Variants in DPPA3 observed in about 807,000 individuals in gnomAD.
DPPA3 encodes developmental pluripotency associated 3, also known as developmental pluripotency-associated protein 3.
Under a neutral mutation model 15.6 loss-of-function variants are expected in DPPA3, and 9 were observed. The observed-to-expected ratio is 0.58, with a 90% CI of 0.35 to 1.01. DPPA3 has a LOEUF of 1.01. DPPA3 is among the 50% of genes least tolerant of loss of function. The probability of loss-of-function intolerance (pLI) is 0.02; values close to 1 mark genes in which losing one functional copy is unlikely to be tolerated. For synonymous variants in DPPA3, 61 were observed against 70.9 expected, an observed-to-expected ratio of 0.86 and a Z score of 0.70; for missense variants, 148 against 194.6, an observed-to-expected ratio of 0.76 and a Z score of 1.42.
chr12:7,715,050 G>A, intron 1 of DPPA3, 133 bp from the exon 2 acceptor site: 5 of 1,351,696 alleles, frequency 3.7e-6, no homozygotes, highest in Non-Finnish European at 5.1e-6. Flanking sequence ...GAGGTTGTGC[G>A]TTGTTTACTG....
rs868633668 is a variant in DPPA3 at position 7,715,270 on chromosome 12, C to G, written c.170C>G (p.Ser57Trp). The change falls in exon 2 of 4, where the codon TCG becomes TGG. Residue 57 changes from serine (S) to tryptophan (W), a missense_variant. By Grantham distance (177) the Ser-to-Trp change is radical. Coordinates refer to ENST00000345088, the MANE Select transcript of DPPA3 (RefSeq NM_199286.4). The part of the protein sequence containing the change: ...NASSESVSPL[S>W]EALLRRESVG... Reference sequence around the variant, plus strand: ...AGTAGCGAATCTGTTTCCCCTCTATCGGAAGCTTTACTCCGTCGAGAGTCT... The same window carrying G: ...AGTAGCGAATCTGTTTCCCCTCTATGGGAAGCTTTACTCCGTCGAGAGTCT... 2 of 1,613,850 alleles carry G rather than the reference C, an allele frequency of 1.2e-6. No homozygotes were observed. Among genetic ancestry groups the G allele is most frequent in the South Asian group, 1.1e-5 (1 of 91,058 alleles).
intron 3 of DPPA3, among the ~76,000 whole-genome samples, chr12:7,716,464 C>A (rs1411129960): frequency 6.6e-6 from 1 of 151,942 alleles, no homozygotes; most frequent in Non-Finnish European, 1.5e-5. Flanking sequence ...GCCTTTCCCC[C>A]ACACCCCACA....
chr12:7,713,587 C>T (rs779606659), intron 1 of DPPA3, among the ~76,000 whole-genome samples: 9 of 152,064 alleles, frequency 5.9e-5, no homozygotes, highest in Non-Finnish European at 8.8e-5. Flanking sequence ...CCTCACAGTT[C>T]GGATGGGAGA....
chr12:7,716,298 G>A (rs1864398748), intron 3 of DPPA3, 59 bp downstream of exon 3: 1 of 1,290,882 alleles, frequency 7.7e-7, no homozygotes, highest in South Asian at 1.4e-5. Context: ...ATATGTGGAT[G>A]GGTATCTGGT....
intron 1 of DPPA3, among the ~76,000 whole-genome samples, chr12:7,714,192 T>C (rs780880821): frequency 6.6e-6 from 1 of 152,122 alleles, no homozygotes; most frequent in Admixed American, 6.5e-5. Context: ...ATGGCGCCAC[T>C]GCACTCCAGC....
chr12:7,714,818 T>C (rs889530475), intron 1 of DPPA3, among the ~76,000 whole-genome samples: 2 of 152,102 alleles, frequency 1.3e-5, no homozygotes, highest in African/African-American at 4.8e-5. Context: ...GTTCACACCA[T>C]TCTCCTGCCT....
At chr12:7,713,657 G>T (rs1864369366) in intron 1 of DPPA3, among the ~76,000 whole-genome samples, 2 of 152,318 alleles carry the variant, frequency 1.3e-5, no homozygotes, top group East Asian at 1.9e-4. Flanking sequence ...CTAATACCAT[G>T]AAGGAGCTGG....
intron 3 of DPPA3, 108 bp from the exon 4 acceptor site, chr12:7,716,859 G>T: frequency 2.9e-6 from 3 of 1,028,902 alleles, no homozygotes; most frequent in Admixed American, 2.3e-5. Context: ...TTTTGTGTGT[G>T]TTCCCTGTTC....
Position 7,717,141 on chromosome 12 carries a change from T to C in DPPA3, c.*64T>C. 1 of 941,666 alleles carries C rather than the reference T, an allele frequency of 1.1e-6. No homozygotes were observed. The highest frequency in any genetic ancestry group is 1.4e-5 in the South Asian group (1 of 71,960). 58.3% of individuals were successfully genotyped at this position (941,666 alleles called of 1,614,324 possible). A position where few individuals can be genotyped will look rare whatever the true frequency, so the allele number is the denominator to read the frequency against. Reference sequence around the variant, plus strand: ...ATATAGCAGGTTGAGAAAGCTACTCTATGCTAGTATAGACTATACACCAAT... The same window carrying C: ...ATATAGCAGGTTGAGAAAGCTACTCCATGCTAGTATAGACTATACACCAAT... On this transcript the variant is annotated 3_prime_UTR_variant, in exon 4 of 4. Coordinates refer to ENST00000345088, the MANE Select transcript of DPPA3 (RefSeq NM_199286.4).
At chr12:7,712,077 G>GCTATTTTTTTTT (rs71038728) in intron 1 of DPPA3, among the ~76,000 whole-genome samples, 1 of 77,978 alleles carries the variant, frequency 1.3e-5, no homozygotes, top group Non-Finnish European at 2.5e-5. Flanking sequence ...CACCGCGCCC[G>GCTATTTTTTTTT]TTTTTTTTTT....
chr12:7,713,558 T>TGCGTATGTATGGGATAC (rs1864368528), intron 1 of DPPA3, among the ~76,000 whole-genome samples: 1 of 152,182 alleles, frequency 6.6e-6, no homozygotes, highest in Non-Finnish European at 1.5e-5. Context: ...GTATGAGATA[T>TGCGTATGTATGGGATAC]GCGTATGTAT....
Position 7,715,268 on chromosome 12 carries a change from A to G in DPPA3, c.168A>G (p.Leu56=), listed in dbSNP as rs771075777. The G allele has an allele frequency of 4.3e-6, 7 of 1,613,920 alleles. No homozygotes were observed. The highest frequency in any genetic ancestry group is 2.2e-5 in the East Asian group (1 of 44,880). Residue 56 remains leucine, a synonymous_variant, in exon 2 of 4, where the codon CTA becomes CTG. Transcript: ENST00000345088. ...CTAGTAGCGAATCTGTTTCCCCTCT[A>G]TCGGAAGCTTTACTCCGTCGAGAGT... The part of the protein sequence containing the change: ...INASSESVSP[L]SEALLRRESV...
intron 1 of DPPA3, among the ~76,000 whole-genome samples, chr12:7,713,614 T>C (rs903919291): frequency 6.6e-6 from 1 of 152,176 alleles, no homozygotes; most frequent in Non-Finnish European, 1.5e-5. Context: ...AATGAGTGGT[T>C]GATTTCCCAA....
chr12:7,716,151 ATCTTTT>A, intron 2 of DPPA3, 41 bp from the exon 3 acceptor site: 1 of 1,466,250 alleles, frequency 6.8e-7, no homozygotes, highest in Non-Finnish European at 9.3e-7. Context: ...AATATTAGTA[ATCTTTT>A]TCTTGATAGT....
chr12:7,716,853 G>A, intron 3 of DPPA3, 114 bp from the exon 4 acceptor site: 1 of 963,660 alleles, frequency 1.0e-6, no homozygotes, highest in Non-Finnish European at 1.6e-6. Context: ...GTCCTTTTTT[G>A]TGTGTGTTCC....
At chr12:7,714,737 G>T (rs776127427) in intron 1 of DPPA3, among the ~76,000 whole-genome samples, 13 of 151,484 alleles carry the variant, frequency 8.6e-5, no homozygotes, top group Non-Finnish European at 1.6e-4. Flanking sequence ...TTTTGAGACG[G>T]AGTCTTGCTC....
chr12:7,712,061 G>A (rs1222767719), intron 1 of DPPA3, among the ~76,000 whole-genome samples: 1 of 86,282 alleles, frequency 1.2e-5, no homozygotes, highest in African/African-American at 4.7e-5. Flanking sequence ...GACTACAGGC[G>A]CCCGCCACCG....
intron 1 of DPPA3, among the ~76,000 whole-genome samples, chr12:7,712,586 A>G (rs1469076794): frequency 1.3e-5 from 2 of 152,092 alleles, no homozygotes; most frequent in African/African-American, 4.8e-5. Context: ...TAGCTGGATT[A>G]CAGGCATGTG....
Position 7,717,168 on chromosome 12 carries a change from A to C in DPPA3, c.*91A>C. ...TGCTAGTATAGACTATACACCAATAATTTTGATAATGAGTTCTAGGATGTA... is the reference window on the plus strand; with the variant it reads ...TGCTAGTATAGACTATACACCAATACTTTTGATAATGAGTTCTAGGATGTA... On this transcript the variant is annotated 3_prime_UTR_variant, in exon 4 of 4. Coordinates refer to ENST00000345088, the MANE Select transcript of DPPA3 (RefSeq NM_199286.4). 1 of 832,450 alleles carries C rather than the reference A, an allele frequency of 1.2e-6. No homozygotes were observed. Among genetic ancestry groups the C allele is most frequent in the Non-Finnish European group, 2.0e-6 (1 of 508,886 alleles). The allele number at this position is 832,450 out of a possible 1,614,324, so 51.6% of individuals were successfully genotyped here.
Sources: gnomAD v4.1 joint callset for allele counts (sites outside exome capture counted in the v4.1 genomes callset) on GRCh38, gnomAD v4.1.1 for gene constraint, MANE v1.5 for transcripts, NCBI Gene and HGNC (gene_info 2026-07-23, HGNC 2026-07-21) for gene names.